Variants in ERC2 observed in about 807,000 individuals in gnomAD.
ERC2 encodes the protein ERC protein 2.
ERC2 carries 42 observed loss-of-function variants against 114.8 expected under a neutral mutation model. The observed-to-expected ratio is 0.37, with a 90% CI of 0.29 to 0.47. The LOEUF is 0.47. Among genes scored for constraint, ERC2 ranks in the 20% least tolerant of loss-of-function variants. The pLI is 0.99. For missense variants in ERC2, 939 were observed against 1,150.7 expected (o/e 0.82, Z 2.66); for synonymous variants, 454 against 425.5 (o/e 1.07, Z -0.82).
chr3:55,621,491 C>T (rs2059327485), intron 17 of ERC2, among the ~76,000 whole-genome samples: 1 of 152,336 alleles, frequency 6.6e-6, no homozygotes, highest in African/African-American at 2.4e-5. Context: ...TGTTCCCCTC[C>T]TGCCGTTTCT....
intron 17 of ERC2, among the ~76,000 whole-genome samples, chr3:55,635,677 C>G (rs528938148): frequency 6.6e-6 from 1 of 152,064 alleles, no homozygotes; most frequent in South Asian, 2.1e-4. Context: ...AGGTGTGAGC[C>G]ACTGCGCCCA....
chr3:56,420,423 C>T (rs1163987961), intron 2 of ERC2, among the ~76,000 whole-genome samples: 4 of 151,894 alleles, frequency 2.6e-5, no homozygotes, highest in Non-Finnish European at 4.4e-5. Context: ...AGTGATCCTC[C>T]CACTTCTGTC....
intron 14 of ERC2, among the ~76,000 whole-genome samples, chr3:55,824,444 T>C (rs1292492302): frequency 6.6e-6 from 1 of 152,134 alleles, no homozygotes; most frequent in African/African-American, 2.4e-5. Context: ...CCCATATGAG[T>C]AAGAAAAAAA....
chr3:55,733,655 T>C (rs1488693891), intron 15 of ERC2, among the ~76,000 whole-genome samples: 1 of 152,116 alleles, frequency 6.6e-6, no homozygotes, highest in Non-Finnish European at 1.5e-5. Context: ...GCAGGGTCAA[T>C]GTATGCCTTT....
At chr3:56,366,494 C>A (rs2059155187) in intron 2 of ERC2, among the ~76,000 whole-genome samples, 1 of 152,200 alleles carries the variant, frequency 6.6e-6, no homozygotes, top group South Asian at 2.1e-4. Flanking sequence ...TTTGCAGGCT[C>A]TCACAGGCTG....
chr3:55,759,546 A>G (rs1274648352), intron 14 of ERC2, among the ~76,000 whole-genome samples: 2 of 147,788 alleles, frequency 1.4e-5, no homozygotes, highest in African/African-American at 2.5e-5. Flanking sequence ...TCCATTCTCA[A>G]TATTCAAGGA....
intron 1 of ERC2, among the ~76,000 whole-genome samples, chr3:56,447,257 C>T (rs1274430919): frequency 1.3e-5 from 2 of 152,252 alleles, no homozygotes; most frequent in African/African-American, 4.8e-5. Context: ...CGCACAGCAT[C>T]TTTCAGTCCG....
At chr3:56,223,393 C>T (rs2050042757) in intron 3 of ERC2, among the ~76,000 whole-genome samples, 1 of 151,612 alleles carries the variant, frequency 6.6e-6, no homozygotes, top group Non-Finnish European at 1.5e-5. Flanking sequence ...ATATTTTCCC[C>T]AAAACCAAGA....
rs572635520 is a variant in ERC2, at chr3:56,076,050, T to C, written c.1641+4767A>G. Among the ~76,000 whole-genome samples the C allele has an allele frequency of 5.3e-5, 8 of 152,236 alleles. No individual in the cohort carries two copies. The South Asian group carries it at 1.5e-3, about 28-fold the overall frequency. ...AAATCAACCTGCTGAAGTGGAAAGG[T>C]CCATATACACCACTCCCAGGAGCCA... On this transcript the variant is annotated intron_variant, in intron 7 of 17. Coordinates refer to ENST00000288221, the MANE Select transcript of ERC2 (RefSeq NM_015576.3).
intron 17 of ERC2, among the ~76,000 whole-genome samples, chr3:55,646,245 G>A (rs1314788385): frequency 6.6e-6 from 1 of 152,188 alleles, no homozygotes; most frequent in East Asian, 1.9e-4. Flanking sequence ...AATCCAACCT[G>A]TTCACGCATT....
At chr3:56,028,690 T>C (rs1461716306) in intron 7 of ERC2, among the ~76,000 whole-genome samples, 1 of 152,110 alleles carries the variant, frequency 6.6e-6, no homozygotes, top group Non-Finnish European at 1.5e-5. Flanking sequence ...ACTTACTAGT[T>C]CTGGGAGTGA....
At chr3:55,928,136 G>T (rs1375933373) in intron 13 of ERC2, among the ~76,000 whole-genome samples, 1 of 152,192 alleles carries the variant, frequency 6.6e-6, no homozygotes, top group Admixed American at 6.5e-5. Context: ...CAGTAAGATT[G>T]CTGCATTGTA....
intron 2 of ERC2, among the ~76,000 whole-genome samples, chr3:56,337,154 A>ACGC (rs2150478267): frequency 6.6e-6 from 1 of 152,198 alleles, no homozygotes; most frequent in African/African-American, 2.4e-5. Flanking sequence ...AACTTAATAA[A>ACGC]CGCTTCAAGC....
chr3:55,805,411 G>C (rs1170301497), intron 14 of ERC2, among the ~76,000 whole-genome samples: 1 of 151,802 alleles, frequency 6.6e-6, no homozygotes, highest in Non-Finnish European at 1.5e-5. Flanking sequence ...GGCTCAGAGA[G>C]ATTCAGTACC....
chr3:55,813,298 A>C (rs1347104290), intron 14 of ERC2, among the ~76,000 whole-genome samples: 1 of 152,212 alleles, frequency 6.6e-6, no homozygotes, highest in African/African-American at 2.4e-5. Flanking sequence ...ATTAAAATTG[A>C]ATAAAATTTA....
chr3:55,702,197 A>C (rs1021720946), intron 15 of ERC2, among the ~76,000 whole-genome samples: 1 of 152,326 alleles, frequency 6.6e-6, no homozygotes. Context: ...TCATGGGATA[A>C]AGACTGTAAA....
At chr3:56,329,356 G>C (rs1249585059) in intron 2 of ERC2, among the ~76,000 whole-genome samples, 1 of 152,042 alleles carries the variant, frequency 6.6e-6, no homozygotes, top group African/African-American at 2.4e-5. Flanking sequence ...AAAACTCCAG[G>C]GGAGCCTGGA....
intron 14 of ERC2, among the ~76,000 whole-genome samples, chr3:55,834,948 A>G (rs886576861): frequency 1.3e-5 from 2 of 151,040 alleles, no homozygotes; most frequent in Non-Finnish European, 2.9e-5. Flanking sequence ...AATACAAACT[A>G]CCATCAGAGA....
chr3:55,848,129 G>C (rs987538509), intron 14 of ERC2, among the ~76,000 whole-genome samples: 1 of 151,858 alleles, frequency 6.6e-6, no homozygotes, highest in African/African-American at 2.4e-5. Context: ...AAAACAAAAC[G>C]TAACCAAAAA....
Sources: allele counts gnomAD v4.1 joint callset (sites outside exome capture counted in the v4.1 genomes callset), GRCh38; gene constraint gnomAD v4.1.1; transcripts MANE v1.5; gene names NCBI Gene and HGNC (gene_info 2026-07-23, HGNC 2026-07-21).